The following ASIC2 variants were observed in gnomAD, a reference collection of about 807,000 sequenced individuals.
ASIC2 encodes acid sensing ion channel subunit 2, also known as acid-sensing ion channel 2.
In ASIC2, 25 loss-of-function variants were observed where a neutral mutation model predicts 57.3. That is an observed-to-expected ratio of 0.44 (90% CI 0.32 to 0.61). ASIC2 has a LOEUF of 0.61. Ranked by LOEUF, ASIC2 falls within the 20% of genes least tolerant of loss-of-function variation. The probability of loss-of-function intolerance (pLI) is 0.06; values close to 1 mark genes in which losing one functional copy is unlikely to be tolerated. For missense variants in ASIC2, 641 were observed against 738.1 expected, an observed-to-expected ratio of 0.87 and a Z score of 1.52; for synonymous variants, 319 against 307.5, an observed-to-expected ratio of 1.04 and a Z score of -0.39.
At chr17:33,297,809 T>C (rs1231732133), upstream of ASIC2, among the ~76,000 whole-genome samples, 1 of 149,248 alleles carries the variant, frequency 6.7e-6, no homozygotes, top group Non-Finnish European at 1.5e-5. Flanking sequence ...GGCATCAGAG[T>C]GAGACCCTGT....
At chr17:33,495,718 C>T (rs898098267) in intron 1 of ASIC2, among the ~76,000 whole-genome samples, 1 of 152,194 alleles carries the variant, frequency 6.6e-6, no homozygotes, top group Non-Finnish European at 1.5e-5. Flanking sequence ...ATGGGGGAGA[C>T]ACCACTAAGT....
At chr17:33,148,991 G>A (rs1162702843) in intron 1 of ASIC2, among the ~76,000 whole-genome samples, 1 of 152,136 alleles carries the variant, frequency 6.6e-6, no homozygotes, top group Non-Finnish European at 1.5e-5. Context: ...TTACTCAGGA[G>A]ACTGAGGCAG....
chr17:33,046,706 G>T lies in ASIC2; in HGVS notation c.988-18314C>A, dbSNP rs372167186. 2.4e-4 allele frequency among the ~76,000 whole-genome samples: 37 copies of T among 152,372 alleles called. No homozygotes were observed. The East Asian group carries it at 3.5e-3, about 14-fold the overall frequency. On this transcript the variant is annotated intron_variant, in intron 3 of 9. Transcript: ENST00000225823. Reference sequence around the variant, plus strand: ...GGCTTAGCCCTGAATAAAAAAGGAAGGGGATGTCTGTTGAGCCCCTGCATG... The same window carrying T: ...GGCTTAGCCCTGAATAAAAAAGGAATGGGATGTCTGTTGAGCCCCTGCATG...
intron 1 of ASIC2, among the ~76,000 whole-genome samples, chr17:33,986,533 A>G (rs756329888): frequency 6.6e-6 from 1 of 152,108 alleles, no homozygotes; most frequent in Non-Finnish European, 1.5e-5. Context: ...TCCCCTGACA[A>G]TCCCAAAGTG....
intron 1 of ASIC2, among the ~76,000 whole-genome samples, chr17:33,364,225 T>C (rs1386866116): frequency 6.6e-6 from 1 of 152,180 alleles, no homozygotes; most frequent in East Asian, 1.9e-4. Flanking sequence ...ACCAACTGAC[T>C]TTGGCCAAGA....
intron 1 of ASIC2, among the ~76,000 whole-genome samples, chr17:33,592,914 T>G (rs577368112): frequency 1.2e-3 from 183 of 152,344 alleles, no homozygotes; most frequent in Middle Eastern, 3.4e-3. Flanking sequence ...TGCTGTGCTC[T>G]GGTGTTCTCA....
At chr17:33,410,402 A>G (rs955788504) in intron 1 of ASIC2, among the ~76,000 whole-genome samples, 2 of 152,206 alleles carry the variant, frequency 1.3e-5, no homozygotes, top group Non-Finnish European at 2.9e-5. Flanking sequence ...CAAGAAACCT[A>G]TCTTTAGCTT....
At chr17:33,148,665 A>G (rs914368845) in intron 1 of ASIC2, among the ~76,000 whole-genome samples, 1 of 152,262 alleles carries the variant, frequency 6.6e-6, no homozygotes, top group South Asian at 2.1e-4. Flanking sequence ...AAATTAAAAG[A>G]TGATGTGAGA....
chr17:33,814,323 CA>C (rs1193065282), intron 1 of ASIC2, among the ~76,000 whole-genome samples: 1 of 151,954 alleles, frequency 6.6e-6, no homozygotes, highest in African/African-American at 2.4e-5. Context: ...ACATCGGATG[CA>C]AAAAAAGTAT....
intron 1 of ASIC2, among the ~76,000 whole-genome samples, chr17:33,356,910 G>A (rs560627127): frequency 6.1e-5 from 7 of 114,054 alleles, no homozygotes; most frequent in Admixed American, 2.9e-4. Context: ...TCTCCAGAAC[G>A]TCCCAACCTC....
chr17:34,012,669 T>G (rs565484789), intron 1 of ASIC2, among the ~76,000 whole-genome samples: 1 of 152,264 alleles, frequency 6.6e-6, no homozygotes, highest in South Asian at 2.1e-4. Flanking sequence ...ACCTTAGATT[T>G]GCATTTTTTT....
chr17:33,712,636 CTTTTTTTTTTTT>C (rs60673332), intron 1 of ASIC2, among the ~76,000 whole-genome samples: 1 of 63,592 alleles, frequency 1.6e-5, no homozygotes. Flanking sequence ...ACTCATATGG[CTTTTTTTTTTTT>C]TTTTTTTTTT....
intron 1 of ASIC2, among the ~76,000 whole-genome samples, chr17:33,609,900 G>A (rs747605826): frequency 2.0e-5 from 3 of 152,002 alleles, no homozygotes; most frequent in African/African-American, 4.8e-5. Flanking sequence ...GAGGGGAGGG[G>A]GGAAAATAAG....
intron 1 of ASIC2, among the ~76,000 whole-genome samples, chr17:33,455,668 A>G (rs1912424707): frequency 6.6e-6 from 1 of 152,216 alleles, no homozygotes; most frequent in African/African-American, 2.4e-5. Context: ...GATGGTTGCT[A>G]ACTTATGCCT....
At chr17:33,823,304 A>G (rs1442147539) in intron 1 of ASIC2, among the ~76,000 whole-genome samples, 1 of 152,220 alleles carries the variant, frequency 6.6e-6, no homozygotes, top group Non-Finnish European at 1.5e-5. Context: ...TTTCATTTGC[A>G]GAAGACAAAG....
At chr17:33,589,146 C>A (rs886789253) in intron 1 of ASIC2, among the ~76,000 whole-genome samples, 1 of 152,182 alleles carries the variant, frequency 6.6e-6, no homozygotes, top group South Asian at 2.1e-4. Context: ...TTGGCCAGAG[C>A]CAGAGAAGGG....
intron 1 of ASIC2, among the ~76,000 whole-genome samples, chr17:34,127,283 G>A (rs1335191038): frequency 6.6e-6 from 1 of 152,164 alleles, no homozygotes; most frequent in African/African-American, 2.4e-5. Flanking sequence ...GCATCTCCCT[G>A]CCTCCCTGCC....
At chr17:33,435,495 A>C (rs977440616) in intron 1 of ASIC2, among the ~76,000 whole-genome samples, 1 of 152,202 alleles carries the variant, frequency 6.6e-6, no homozygotes, top group Admixed American at 6.5e-5. Context: ...TTAATATTTA[A>C]ATACATGCAT....
chr17:33,235,401 T>C (rs1393059247), intron 1 of ASIC2, among the ~76,000 whole-genome samples: 1 of 152,190 alleles, frequency 6.6e-6, no homozygotes, highest in Non-Finnish European at 1.5e-5. Flanking sequence ...TGAGCCAGGA[T>C]GAGTCATGCA....
Sources: gnomAD v4.1 joint callset for allele counts (sites outside exome capture counted in the v4.1 genomes callset) on GRCh38, gnomAD v4.1.1 for gene constraint, MANE v1.5 for transcripts, NCBI Gene and HGNC (gene_info 2026-07-23, HGNC 2026-07-21) for gene names.